PPP1R13B: variants seen among roughly 807,000 people sequenced by gnomAD.
PPP1R13B encodes the protein apoptosis-stimulating of p53 protein 1.
In PPP1R13B, 44 loss-of-function variants were observed where a neutral mutation model predicts 119.8. The ratio of observed to expected loss-of-function variants is 0.37; its 90% CI spans 0.29 to 0.47. PPP1R13B has a LOEUF of 0.47. Among genes scored for constraint, PPP1R13B ranks in the 20% least tolerant of loss-of-function variants. The probability of loss-of-function intolerance (pLI) is 0.99; values close to 1 mark genes in which losing one functional copy is unlikely to be tolerated. For missense variants in PPP1R13B, 1,227 were observed against 1,413.5 expected, an observed-to-expected ratio of 0.87 and a Z score of 2.12; for synonymous variants, 542 against 561.5, an observed-to-expected ratio of 0.97 and a Z score of 0.49.
chr14:103,748,877 G>A (rs770431425), intron 8 of PPP1R13B, among the ~76,000 whole-genome samples: 8 of 152,298 alleles, frequency 5.3e-5, no homozygotes, highest in Middle Eastern at 3.4e-3. Flanking sequence ...AAAGACACCC[G>A]TGCTGCAGTT....
Position 103,734,240 on chromosome 14 carries a change from C to T in PPP1R13B, c.*914G>A, listed in dbSNP as rs778099090. The T allele has an allele frequency of 1.8e-5, 5 of 285,688 alleles. No homozygotes were observed. The highest frequency in any genetic ancestry group is 3.5e-5 in the Non-Finnish European group (5 of 141,616). 17.7% of individuals were successfully genotyped at this position (285,688 alleles called of 1,614,324 possible). A position where few individuals can be genotyped will look rare whatever the true frequency, so the allele number is the denominator to read the frequency against. On this transcript the variant is annotated 3_prime_UTR_variant, in exon 17 of 17. Coordinates refer to ENST00000202556, the MANE Select transcript of PPP1R13B (RefSeq NM_015316.3). ...TGCTGCTCCTTGGTGGCGGCCCCTC[C>T]TGACACCAGGCGTCTGCCATCCTTC...
intron 1 of PPP1R13B, among the ~76,000 whole-genome samples, chr14:103,804,558 A>G (rs1197463848): frequency 6.6e-6 from 1 of 152,056 alleles, no homozygotes; most frequent in African/African-American, 2.4e-5. Flanking sequence ...CCCCATCTCT[A>G]CTAAAAACTA....
chr14:103,812,413 C>T (rs914005277), intron 1 of PPP1R13B, among the ~76,000 whole-genome samples: 9 of 151,292 alleles, frequency 5.9e-5, no homozygotes, highest in African/African-American at 9.7e-5. Context: ...CGTGAGCCAC[C>T]GCGTGTGGCT....
At chr14:103,796,969 A>C (rs1419637121) in intron 2 of PPP1R13B, among the ~76,000 whole-genome samples, 1 of 151,902 alleles carries the variant, frequency 6.6e-6, no homozygotes, top group Non-Finnish European at 1.5e-5. Flanking sequence ...AAAACAAAAA[A>C]CAAAAACAAA....
intron 5 of PPP1R13B, among the ~76,000 whole-genome samples, chr14:103,756,187 G>A (rs1175335051): frequency 2.0e-5 from 3 of 151,532 alleles, no homozygotes; most frequent in Non-Finnish European, 4.4e-5. Flanking sequence ...CTCCACCGCC[G>A]GCTTCAAGAG....
chr14:103,750,612 C>T (rs948099307), intron 7 of PPP1R13B, among the ~76,000 whole-genome samples: 1 of 152,126 alleles, frequency 6.6e-6, no homozygotes, highest in Non-Finnish European at 1.5e-5. Flanking sequence ...GGGTGGATCA[C>T]CTGAGGTCAA....
intron 1 of PPP1R13B, among the ~76,000 whole-genome samples, chr14:103,801,642 G>C (rs186251101): frequency 1.3e-5 from 2 of 152,130 alleles, no homozygotes; most frequent in East Asian, 3.9e-4. Flanking sequence ...TCACCTCAAT[G>C]ACTCCCTCCC....
rs577138422 is a variant in PPP1R13B at position 103,753,047 on chromosome 14, T to A, written c.781A>T (p.Thr261Ser). ...TTTAACTCCACCGCCGCTGGTCCCG[T>A]CAATTTGCCATTGTAAGACTGGAAC... ...NGFQSYNGKL[T>S]GPAAVELKRL... Residue 261 changes from threonine to serine, a missense_variant, in exon 7 of 17, where the codon ACG (threonine) becomes TCG (serine). Coordinates refer to ENST00000202556, the MANE Select transcript of PPP1R13B (RefSeq NM_015316.3). 4.3e-6 allele frequency: 7 copies of A among 1,614,190 alleles called. No homozygotes were observed. In the African/African-American group the frequency reaches 8.0e-5, roughly 18 times the overall value.
chr14:103,794,954 G>GT (rs374162640), intron 2 of PPP1R13B, among the ~76,000 whole-genome samples: 102 of 151,160 alleles, frequency 6.7e-4, no homozygotes, highest in East Asian at 2.5e-3. Flanking sequence ...ATGTTTGTTT[G>GT]TTTTTTTTTG....
In PPP1R13B at chr14:103,733,823, C is replaced by T. The variant is rs535218624; in HGVS notation, c.*1331G>A. On this transcript the variant is annotated 3_prime_UTR_variant, in exon 17 of 17. Transcript: ENST00000202556. ...CGTCTGGGCTGGCAGCGGCCATGCT[C>T]CTGTGGTCGGGCTGCTCTACAAGGG... 2.6e-4 allele frequency: 39 copies of T among 152,302 alleles called. No individual in the cohort carries two copies. The highest frequency in any genetic ancestry group is 5.0e-4 in the Non-Finnish European group (34 of 68,152). The allele number at this position is 152,302 out of a possible 1,614,324, so 9.4% of individuals were successfully genotyped here. A position where few individuals can be genotyped will look rare whatever the true frequency, so the allele number is the denominator to read the frequency against.
intron 4 of PPP1R13B, among the ~76,000 whole-genome samples, chr14:103,773,828 G>A (rs1166266339): frequency 6.6e-6 from 1 of 152,204 alleles, no homozygotes; most frequent in Non-Finnish European, 1.5e-5. Context: ...GCTCCTAGGT[G>A]ACTGCCTCTA....
chr14:103,762,715 TCGG>T (rs1042732801), intron 4 of PPP1R13B: 2 of 630,966 alleles, frequency 3.2e-6, no homozygotes, highest in Admixed American at 4.5e-5. Context: ...TCCCTGGGTG[TCGG>T]CGGTGGCCGT....
At chr14:103,815,524 AGGTG>A (rs1430133494) in intron 1 of PPP1R13B, among the ~76,000 whole-genome samples, 1 of 152,158 alleles carries the variant, frequency 6.6e-6, no homozygotes, top group Admixed American at 6.5e-5. Flanking sequence ...TGGGAAGCCA[AGGTG>A]GGTGGATCAT....
intron 2 of PPP1R13B, among the ~76,000 whole-genome samples, chr14:103,788,746 G>A (rs11160762): frequency 0.45 from 67,701 of 151,750 alleles, 15,591 homozygotes; most frequent in African/African-American, 0.56. Context: ...AGTTCCGTAA[G>A]ATGTCACTAA....
intron 4 of PPP1R13B, 193 bp downstream of exon 4, chr14:103,778,552 C>T (rs1219567555): frequency 5.4e-6 from 3 of 560,360 alleles, no homozygotes; most frequent in African/African-American, 3.8e-5. Flanking sequence ...GAGCCACACA[C>T]CTGGCCTCAT....
At chr14:103,830,093 T>TTTTA (rs58627136) in intron 1 of PPP1R13B, among the ~76,000 whole-genome samples, 1 of 150,084 alleles carries the variant, frequency 6.7e-6, no homozygotes. Context: ...TTTATTTTTA[T>TTTTA]TTTATTTATT....
intron 1 of PPP1R13B, among the ~76,000 whole-genome samples, chr14:103,815,171 C>A (rs1161543804): frequency 6.6e-6 from 1 of 151,948 alleles, no homozygotes; most frequent in Non-Finnish European, 1.5e-5. Flanking sequence ...GTGAAAGAAG[C>A]CAGATACAAA....
intron 4 of PPP1R13B, chr14:103,762,866 AAAG>A (rs1278684412): frequency 9.7e-7 from 1 of 1,032,164 alleles, no homozygotes; most frequent in Non-Finnish European, 1.5e-6. Flanking sequence ...AAAAAGTTCA[AAAG>A]AAGGACAAGA....
intron 1 of PPP1R13B, among the ~76,000 whole-genome samples, chr14:103,812,127 G>GTTT (rs754523884): frequency 5.8e-5 from 7 of 121,316 alleles, no homozygotes; most frequent in South Asian, 2.7e-4. Flanking sequence ...TCTGTGTGTG[G>GTTT]TTTTTTTTTT....
Sources: allele counts gnomAD v4.1 joint callset (sites outside exome capture counted in the v4.1 genomes callset), GRCh38; gene constraint gnomAD v4.1.1; transcripts MANE v1.5; gene names NCBI Gene and HGNC (gene_info 2026-07-23, HGNC 2026-07-21).